Variants in ANKS1A observed in about 807,000 individuals in gnomAD.
ANKS1A encodes ankyrin repeat and SAM domain-containing protein 1A.
In ANKS1A, 55 loss-of-function variants were observed where a neutral mutation model predicts 120.3. The ratio of observed to expected loss-of-function variants is 0.46; its 90% CI spans 0.37 to 0.57. ANKS1A has a LOEUF of 0.57. Ranked by LOEUF, ANKS1A falls within the 20% of genes least tolerant of loss-of-function variation. ANKS1A has a pLI of 0.00. For synonymous variants in ANKS1A, 590 were observed against 604.7 expected (o/e 0.98, Z 0.36); for missense variants, 1,123 against 1,480.3 (o/e 0.76, Z 3.96).
intron 1 of ANKS1A, among the ~76,000 whole-genome samples, chr6:34,926,852 T>G (rs559422541): frequency 6.8e-4 from 103 of 152,308 alleles, no homozygotes; most frequent in Non-Finnish European, 1.1e-3. Flanking sequence ...CTGTGGGGAA[T>G]GTAAGTGACT....
intron 13 of ANKS1A, among the ~76,000 whole-genome samples, chr6:35,062,460 A>G (rs1776557627): frequency 6.6e-6 from 1 of 152,254 alleles, no homozygotes. Flanking sequence ...CATTAGCTAC[A>G]GTGGATCCCA....
At chr6:35,001,266 G>A (rs1773152047) in intron 10 of ANKS1A, among the ~76,000 whole-genome samples, 1 of 152,200 alleles carries the variant, frequency 6.6e-6, no homozygotes, top group African/African-American at 2.4e-5. Context: ...TTTACTAGAG[G>A]ATGATAGAAG....
intron 1 of ANKS1A, among the ~76,000 whole-genome samples, chr6:34,908,116 TACTC>T (rs1767729819): frequency 6.6e-6 from 1 of 152,216 alleles, no homozygotes; most frequent in African/African-American, 2.4e-5. Context: ...TCCTTTTAGT[TACTC>T]AGCCATTGAG....
In ANKS1A at chr6:35,084,046, G is replaced by C. The variant is rs1346869386; in HGVS notation, c.2995-75G>C. Reference sequence around the variant, plus strand: ...GGCTGGGACAGAGAACAGTGACAATGGTAACAGGCTGGGGCAGGGGGTGCC... The same window carrying C: ...GGCTGGGACAGAGAACAGTGACAATCGTAACAGGCTGGGGCAGGGGGTGCC... On this transcript the variant is annotated intron_variant, in intron 20 of 23. Transcript: ENST00000360359. This position sits in a 1 kb window ranked among gnomAD's most constrained non-coding sequence, Gnocchi z 4.8. The C allele has an allele frequency of 3.8e-6, 6 of 1,583,194 alleles. No individual in the cohort carries two copies. Among genetic ancestry groups the C allele is most frequent in the Non-Finnish European group, 5.2e-6 (6 of 1,160,440 alleles).
chr6:35,071,880 T>G (rs527930600), intron 13 of ANKS1A, among the ~76,000 whole-genome samples: 2 of 152,342 alleles, frequency 1.3e-5, no homozygotes, highest in South Asian at 4.1e-4. Context: ...GCAACCAGTG[T>G]GGAGGGAGAG....
At position 35,078,669 on chromosome 6, in the gene ANKS1A, G is replaced by T; in HGVS notation, c.2283+13G>T. ...CTCCCTACCCAAGGTGACCATCGCC[G>T]GCCCTGTAGCCTCAGCCCGTGCGGA... On this transcript the variant is annotated intron_variant, in intron 14 of 23. Coordinates refer to ENST00000360359, the MANE Select transcript of ANKS1A (RefSeq NM_015245.3). 1.2e-6 allele frequency: 2 copies of T among 1,600,076 alleles called. No homozygotes were observed. Among genetic ancestry groups the T allele is most frequent in the Non-Finnish European group, 1.7e-6 (2 of 1,179,676 alleles).
Position 34,929,780 on chromosome 6 carries a change from TC to T in ANKS1A, c.198-37454del, listed in dbSNP as rs748256255. 4.6e-3 allele frequency among the ~76,000 whole-genome samples: 517 copies of T among 113,070 alleles called. 1 individual carries two copies. Among genetic ancestry groups the T allele is most frequent in the Non-Finnish European group, 7.4e-3 (409 of 55,066 alleles). 74.2% of individuals were successfully genotyped at this position (113,070 alleles called of 152,430 possible). On this transcript the variant is annotated intron_variant, in intron 1 of 23. Transcript: ENST00000360359. ...CCTCCCCTTCTCCTTCCCCTCCCCC[TC>T]CCCCTTCCCCTTTTCCTTCCTCCTT...
chr6:35,064,038 T>TG (rs938494336), intron 13 of ANKS1A, among the ~76,000 whole-genome samples: 2 of 152,034 alleles, frequency 1.3e-5, no homozygotes, highest in African/African-American at 2.4e-5. Context: ...AGGAGGCTGC[T>TG]GGGGGGCAGT....
intron 1 of ANKS1A, among the ~76,000 whole-genome samples, chr6:34,926,687 C>T (rs2127470101): frequency 6.6e-6 from 1 of 152,158 alleles, no homozygotes; most frequent in South Asian, 2.1e-4. Context: ...CTCATTGCAG[C>T]CTTGTTAACA....
At position 35,085,763 on chromosome 6, in the gene ANKS1A, C is replaced by T; in HGVS notation, c.3133-3C>T. The T allele has an allele frequency of 6.3e-7, 1 of 1,582,838 alleles. No individual in the cohort carries two copies. The highest frequency in any genetic ancestry group is 1.7e-4 in the Middle Eastern group (1 of 5,882). On this transcript the variant is annotated splice_polypyrimidine_tract_variant and splice_region_variant and intron_variant, in intron 21 of 23. Transcript: ENST00000360359. This position sits in a 1 kb window ranked among gnomAD's most constrained non-coding sequence, Gnocchi z 4.7. ...GCTTAAGTGGTGATCTGCTTCCTCC[C>T]AGAACCTGACCTACGAGATCATCCT... is the stretch of plus-strand genomic sequence containing the variant.
At chr6:35,021,057 C>A (rs1429872107) in intron 11 of ANKS1A, among the ~76,000 whole-genome samples, 3 of 152,204 alleles carry the variant, frequency 2.0e-5, no homozygotes, top group Non-Finnish European at 2.9e-5. Context: ...TACTTGGTTT[C>A]TGTGGATATC....
chr6:34,983,789 A>C (rs1046229537), intron 7 of ANKS1A, among the ~76,000 whole-genome samples: 5 of 147,946 alleles, frequency 3.4e-5, no homozygotes, highest in African/African-American at 1.0e-4. Flanking sequence ...ACGAGTAATA[A>C]ATTTTTTTTT....
chr6:35,068,901 G>A (rs1776930300), intron 13 of ANKS1A, among the ~76,000 whole-genome samples: 1 of 152,186 alleles, frequency 6.6e-6, no homozygotes, highest in South Asian at 2.1e-4. Flanking sequence ...AAAGTCTGGA[G>A]CTAGAGTCCA....
intron 3 of ANKS1A, among the ~76,000 whole-genome samples, chr6:34,981,391 C>A (rs1771898181): frequency 6.6e-6 from 1 of 152,162 alleles, no homozygotes; most frequent in African/African-American, 2.4e-5. Flanking sequence ...CAAATGCCTG[C>A]CACATTTTCT....
At chr6:35,078,515 A>T in intron 13 of ANKS1A, 43 bp from the exon 14 acceptor site, 9 of 1,581,384 alleles carry the variant, frequency 5.7e-6, no homozygotes, top group Non-Finnish European at 6.9e-6. Flanking sequence ...GCCACCAGCC[A>T]TCCATCCAGG....
chr6:34,890,495 A>G (rs1209407410), intron 1 of ANKS1A, among the ~76,000 whole-genome samples: 2 of 152,128 alleles, frequency 1.3e-5, no homozygotes, highest in Non-Finnish European at 1.5e-5. Flanking sequence ...CCTTGTAGTG[A>G]ACCTCATTGG....
chr6:35,097,863 G>C, the ANKS1A span, among the ~76,000 whole-genome samples: 1 of 152,106 alleles, frequency 6.6e-6, no homozygotes, highest in East Asian at 1.9e-4. Context: ...AAAGGAAAAG[G>C]ATGAAGAGAT....
chr6:34,896,551 G>A (rs1447510119), intron 1 of ANKS1A, among the ~76,000 whole-genome samples: 2 of 152,172 alleles, frequency 1.3e-5, no homozygotes, highest in Non-Finnish European at 2.9e-5. Flanking sequence ...TTTTGTGGTA[G>A]TTACTTTATA....
chr6:34,952,713 T>C (rs1770145858), intron 1 of ANKS1A, among the ~76,000 whole-genome samples: 1 of 151,560 alleles, frequency 6.6e-6, no homozygotes, highest in South Asian at 2.1e-4. Flanking sequence ...TTAAGTTCTT[T>C]TTTTTTTTTT....
Sources: gnomAD v4.1 joint callset for allele counts (sites outside exome capture counted in the v4.1 genomes callset) on GRCh38, gnomAD v4.1.1 for gene constraint, Gnocchi (gnomAD v3.1) non-coding constraint, MANE v1.5 for transcripts, NCBI Gene and HGNC (gene_info 2026-07-23, HGNC 2026-07-21) for gene names.